The following CUL7 variants were observed in gnomAD, a reference collection of about 807,000 sequenced individuals.
CUL7 encodes cullin-7.
A neutral mutation model predicts 177.7 loss-of-function variants in CUL7; 96 were observed. The observed-to-expected ratio is 0.54, with a 90% CI of 0.46 to 0.64. The LOEUF (loss-of-function observed/expected upper bound fraction) is 0.64, where lower values mean the gene tolerates loss of function less well. Among genes scored for constraint, CUL7 ranks in the 30% least tolerant of loss-of-function variants. CUL7 has a pLI of 0.00. For synonymous variants in CUL7, 824 were observed against 890.2 expected, an observed-to-expected ratio of 0.93 and a Z score of 1.32; for missense variants, 1,893 against 2,187.9, an observed-to-expected ratio of 0.87 and a Z score of 2.69.
Position 43,048,242 on chromosome 6 carries a change from T to C in CUL7, c.2075A>G (p.Gln692Arg). 1 of 1,613,676 alleles carries C rather than the reference T, an allele frequency of 6.2e-7. No homozygotes were observed. The highest frequency in any genetic ancestry group is 1.7e-5 in the Admixed American group (1 of 60,030). Residue 692 changes from glutamine (Q) to arginine (R), a missense_variant, in exon 9 of 26, where the codon CAG becomes CGG. Physicochemically the swap from Gln to Arg is conservative, Grantham distance 43. This residue lies in a region of CUL7 where 973 missense variants were observed against 1,140.9 expected (regional missense o/e 0.85). Coordinates refer to ENST00000265348, the MANE Select transcript of CUL7 (RefSeq NM_014780.5). ...CAGTGCCTCGGGGAAGTCCACCAGC[T>C]GCTTCAGGATTCTGGGGGCAGAGAA... ...LHLTVLRILKQLVDFPEALLL... is the reference protein window; with the variant it reads ...LHLTVLRILKRLVDFPEALLL...
rs1764287306 is a variant in CUL7 at position 43,050,348 on chromosome 6, C to T, written c.1284G>A (p.Leu428=). ...TGTCTTCCTCAAAGCCCAAGATCTC[C>T]AGCATGTGCCAGTGCACCCAATAGG... ...GRTYWVHWHM[L]EILGFEEDIE... is the part of the protein sequence containing the mutation. The change falls in exon 5 of 26, where the codon CTG becomes CTA. Residue 428 remains leucine (L), a synonymous_variant. Transcript: ENST00000265348. The surrounding 1 kb of genome is among the most constrained non-coding windows in gnomAD (Gnocchi z 4.1). The T allele has an allele frequency of 1.2e-6, 2 of 1,614,068 alleles. No individual in the cohort carries two copies. Among genetic ancestry groups the T allele is most frequent in the African/African-American group, 1.3e-5 (1 of 74,926 alleles).
At position 43,038,007 on chromosome 6, in the gene CUL7, A is replaced by G; in HGVS notation, c.4778T>C (p.Leu1593Pro). 6.3e-7 allele frequency: 1 copy of G among 1,592,008 alleles called. No individual in the cohort carries two copies. The highest frequency in any genetic ancestry group is 8.6e-7 in the Non-Finnish European group (1 of 1,168,050). ...ACACGGGCCCTTCTGCCAAGCCTCC[A>G]GCACCTGGTGTGGGGGAGGAAGGGA... ...LHIDQLVCLV[L>P]EAWQKGPCPP... Residue 1593 changes from leucine to proline, a missense_variant, in exon 26 of 26, where the codon CTG becomes CCG. Coordinates refer to ENST00000265348, the MANE Select transcript of CUL7 (RefSeq NM_014780.5).
Position 43,050,891 on chromosome 6 carries a change from C to G in CUL7, c.1233+77G>C, listed in dbSNP as rs185236150. 5 of 1,560,018 alleles carry G rather than the reference C, an allele frequency of 3.2e-6. No individual in the cohort carries two copies. Among genetic ancestry groups the G allele is most frequent in the East Asian group, 2.2e-5 (1 of 44,500 alleles). ...TTCTCTTTGGGTGGCCTGCTGGAGC[C>G]CCCCCATATAGAAGTCCCAGCTCTG... is the stretch of plus-strand genomic sequence containing the variant. On this transcript the variant is annotated intron_variant, in intron 4 of 25. Transcript: ENST00000265348. The surrounding 1 kb of genome is among the most constrained non-coding windows in gnomAD (Gnocchi z 4.1).
At chr6:43,049,909 C>T in intron 6 of CUL7, 54 bp downstream of exon 6, 1 of 1,524,984 alleles carries the variant, frequency 6.6e-7, no homozygotes, top group Non-Finnish European at 9.1e-7. Context: ...TCTATACAGT[C>T]CAGCCCTTGC....
chr6:43,050,965 C>T lies in CUL7; in HGVS notation c.1233+3G>A. The T allele has an allele frequency of 6.2e-7, 1 of 1,613,944 alleles. No individual in the cohort carries two copies. Among genetic ancestry groups the T allele is most frequent in the Non-Finnish European group, 8.5e-7 (1 of 1,179,994 alleles). On this transcript the variant is annotated splice_donor_region_variant and intron_variant, in intron 4 of 25. Transcript: ENST00000265348. The surrounding 1 kb of genome is among the most constrained non-coding windows in gnomAD (Gnocchi z 4.1). ...CAGTATCCCACCACCATGTGCCACT[C>T]ACCTGCACAGGAGGCACACCGTTGT...
chr6:43,051,810 C>T lies in CUL7; in HGVS notation c.581-47G>A. ...GTAACTTCTCCCTAATCTCACCCTT[C>T]CTAGAAATCTTAGACCCTCTACTCT... On this transcript the variant is annotated intron_variant, in intron 2 of 25. Coordinates refer to ENST00000265348, the MANE Select transcript of CUL7 (RefSeq NM_014780.5). The surrounding 1 kb of genome is among the most constrained non-coding windows in gnomAD (Gnocchi z 5.0). 6.2e-7 allele frequency: 1 copy of T among 1,606,414 alleles called. No individual in the cohort carries two copies. The highest frequency in any genetic ancestry group is 8.5e-7 in the Non-Finnish European group (1 of 1,173,336).
Position 43,051,061 on chromosome 6 carries a change from C to T in CUL7, c.1140G>A (p.Gly380=), listed in dbSNP as rs1418686996. ...AATCATCCAGCATCCGCACTCGCAT[C>T]CCCGGCTGCAGTGTGTCCCGCACAT... ...ALYVRDTLQP[G]MRVRMLDDYE... is the part of the protein sequence containing the mutation. Residue 380 remains glycine (G), a synonymous_variant, in exon 4 of 26, where the codon GGG becomes GGA. Coordinates refer to ENST00000265348, the MANE Select transcript of CUL7 (RefSeq NM_014780.5). The surrounding 1 kb of genome is among the most constrained non-coding windows in gnomAD (Gnocchi z 5.0). 1.2e-6 allele frequency: 2 copies of T among 1,614,190 alleles called. No homozygotes were observed. Among genetic ancestry groups the T allele is most frequent in the East Asian group, 2.2e-5 (1 of 44,884 alleles).
At position 43,043,430 on chromosome 6, in the gene CUL7, T is replaced by C; in HGVS notation, c.3355+18A>G. The C allele has an allele frequency of 6.2e-7, 1 of 1,612,660 alleles. No individual in the cohort carries two copies. The highest frequency in any genetic ancestry group is 8.5e-7 in the Non-Finnish European group (1 of 1,179,288). ...ACGCTCCTGACTAGAGCTCCCCACC[T>C]GAATCTCCACTACTCACTGGGCCGA... On this transcript the variant is annotated intron_variant, in intron 17 of 25. Coordinates refer to ENST00000265348, the MANE Select transcript of CUL7 (RefSeq NM_014780.5). This position sits in a 1 kb window ranked among gnomAD's most constrained non-coding sequence, Gnocchi z 4.2.
In CUL7 at chr6:43,051,659, T is replaced by A; in HGVS notation, c.685A>T (p.Thr229Ser). Residue 229 changes from threonine (T) to serine (S), a missense_variant, in exon 3 of 26, where the codon ACG (threonine) becomes TCG (serine). Thr to Ser is a moderately conservative substitution (Grantham distance 58). This residue lies in a region of CUL7 where 653 missense variants were observed against 725.2 expected (regional missense o/e 0.90). Coordinates refer to ENST00000265348, the MANE Select transcript of CUL7 (RefSeq NM_014780.5). This position sits in a 1 kb window ranked among gnomAD's most constrained non-coding sequence, Gnocchi z 5.0. ...CALLALFAQA[T>S]LSEHPMSFEG... The stretch of plus-strand genomic sequence containing the variant: ...AAAGACATGGGGTGTTCAGAGAGCG[T>A]GGCCTGTGCAAACAGTGCTAGCAGA... The A allele has an allele frequency of 6.2e-7, 1 of 1,614,154 alleles. No individual in the cohort carries two copies. Among genetic ancestry groups the A allele is most frequent in the Non-Finnish European group, 8.5e-7 (1 of 1,180,030 alleles).
chr6:43,046,432 T>C (rs747025764), intron 11 of CUL7, 25 bp from the exon 12 acceptor site: 20 of 1,613,784 alleles, frequency 1.2e-5, no homozygotes, highest in Non-Finnish European at 1.5e-5. Context: ...GAAGGGGTGG[T>C]GGTCACGGTC....
intron 19 of CUL7, among the ~76,000 whole-genome samples, chr6:43,042,194 A>G (rs768371513): frequency 1.8e-4 from 28 of 152,060 alleles, no homozygotes; most frequent in Non-Finnish European, 3.4e-4. Context: ...GGTAAGTTAC[A>G]TACACAAAGA....
chr6:43,044,657 A>G, intron 16 of CUL7, 95 bp downstream of exon 16: 1 of 1,519,958 alleles, frequency 6.6e-7, no homozygotes, highest in South Asian at 1.3e-5. Flanking sequence ...AAGGGCCAGG[A>G]CATAATCCAG....
In CUL7 at chr6:43,047,219, A is replaced by T; in HGVS notation, c.2170-112T>A. ...CTGTGTACTGGGTGCTAGGGGTGCT[A>T]CAGTGAGCAAGGCAGAGTGACGAAG... On this transcript the variant is annotated intron_variant, in intron 9 of 25. Coordinates refer to ENST00000265348, the MANE Select transcript of CUL7 (RefSeq NM_014780.5). 5 of 729,426 alleles carry T rather than the reference A, an allele frequency of 6.9e-6. No individual in the cohort carries two copies. In the South Asian group the frequency reaches 7.3e-5, roughly 11 times the overall value. 45.2% of individuals were successfully genotyped at this position (729,426 alleles called of 1,614,324 possible).
At position 43,040,559 on chromosome 6, in the gene CUL7, T is replaced by C. The variant is rs1048929663; in HGVS notation, c.3994A>G (p.Lys1332Glu). 6 of 1,614,208 alleles carry C rather than the reference T, an allele frequency of 3.7e-6. No individual in the cohort carries two copies. Among genetic ancestry groups the C allele is most frequent in the Non-Finnish European group, 5.1e-6 (6 of 1,180,034 alleles). Reference sequence around the variant, plus strand: ...ATTTTCTTCTCTGTATCCTCCAGCTTCAGGAGTTCCTGATCCAGCTGCTGG... The same window carrying C: ...ATTTTCTTCTCTGTATCCTCCAGCTCCAGGAGTTCCTGATCCAGCTGCTGG... Reference protein sequence around the residue: ...QLQQLDQELLKLEDTEKKIQV... With the variant: ...QLQQLDQELLELEDTEKKIQV... Residue 1332 changes from lysine to glutamate, a missense_variant, in exon 21 of 26, where the codon AAG becomes GAG. Coordinates refer to ENST00000265348, the MANE Select transcript of CUL7 (RefSeq NM_014780.5). The surrounding 1 kb of genome is among the most constrained non-coding windows in gnomAD (Gnocchi z 4.2).
At chr6:43,049,851 C>T in intron 6 of CUL7, 112 bp downstream of exon 6, 7 of 1,352,736 alleles carry the variant, frequency 5.2e-6, no homozygotes, top group South Asian at 1.2e-5. Context: ...CCTCTGCAGC[C>T]CCTTCCACTC....
At position 43,051,777 on chromosome 6, in the gene CUL7, C is replaced by A. The variant is rs777218278; in HGVS notation, c.581-14G>T. 1 of 1,614,046 alleles carries A rather than the reference C, an allele frequency of 6.2e-7. No individual in the cohort carries two copies. The highest frequency in any genetic ancestry group is 1.7e-5 in the Admixed American group (1 of 60,010). ...GAGTCCGGGTCCCTGTAACCCACAC[C>A]CCAGTTGGTAACTTCTCCCTAATCT... is the stretch of plus-strand genomic sequence containing the variant. On this transcript the variant is annotated splice_polypyrimidine_tract_variant and intron_variant, in intron 2 of 25. Transcript: ENST00000265348. The surrounding 1 kb of genome is among the most constrained non-coding windows in gnomAD (Gnocchi z 5.0).
At position 43,043,214 on chromosome 6, in the gene CUL7, G is replaced by T; in HGVS notation, c.3356-34C>A. 6.4e-7 allele frequency: 1 copy of T among 1,557,934 alleles called. No individual in the cohort carries two copies. Among genetic ancestry groups the T allele is most frequent in the South Asian group, 1.1e-5 (1 of 89,512 alleles). ...ACCAAGAAAGTGGCAGAGGCAAGGA[G>T]GGTGCAGCCCCTCCACTCCCAAGTC... On this transcript the variant is annotated intron_variant, in intron 17 of 25. Coordinates refer to ENST00000265348, the MANE Select transcript of CUL7 (RefSeq NM_014780.5). The surrounding 1 kb of genome is among the most constrained non-coding windows in gnomAD (Gnocchi z 4.2).
chr6:43,044,771 C>T lies in CUL7; in HGVS notation c.3153G>A (p.Val1051=), dbSNP rs779656793. The T allele has an allele frequency of 5.0e-6, 8 of 1,611,420 alleles. No individual in the cohort carries two copies. The African/African-American group carries it at 9.3e-5, about 19-fold the overall frequency. The part of the protein sequence containing the change: ...TCWEALVSPV[V]QNITSPDEDG... Reference sequence around the variant, plus strand: ...GGTTACCAGGGGAGGTGATGTTCTGCACCACGGGGCTGACCAGGGCCTCCC... The same window carrying T: ...GGTTACCAGGGGAGGTGATGTTCTGTACCACGGGGCTGACCAGGGCCTCCC... The change falls in exon 16 of 26, where the codon GTG becomes GTA. Residue 1051 remains valine, a synonymous_variant. Transcript: ENST00000265348.
rs764535454 is a variant in CUL7, at chr6:43,040,347, G to A, written c.4103C>T (p.Ala1368Val). 2.2e-5 allele frequency: 35 copies of A among 1,613,278 alleles called. No individual in the cohort carries two copies. The highest frequency in any genetic ancestry group is 1.6e-4 in the Middle Eastern group (1 of 6,084). ...EAGAAAVVDV[A>V]EGEEEEEENE... ...CTCCTCCTCTTCCTCCTCTCCCTCC[G>A]CCACATCCACCACTGCTGCTGCCCC... The change falls in exon 22 of 26, where the codon GCG becomes GTG. Residue 1368 changes from alanine (A) to valine (V), a missense_variant. Coordinates refer to ENST00000265348, the MANE Select transcript of CUL7 (RefSeq NM_014780.5). This position sits in a 1 kb window ranked among gnomAD's most constrained non-coding sequence, Gnocchi z 4.2.
Sources: allele counts gnomAD v4.1 joint callset (sites outside exome capture counted in the v4.1 genomes callset), GRCh38; gene constraint gnomAD v4.1.1; regional missense constraint gnomAD v4.1.1; non-coding constraint Gnocchi (gnomAD v3.1); transcripts MANE v1.5; gene names NCBI Gene and HGNC (gene_info 2026-07-23, HGNC 2026-07-21).